The following BCL2L1 variants were observed in gnomAD, a reference collection of about 807,000 sequenced individuals.
BCL2L1 encodes bcl-2-like protein 1.
Under a neutral mutation model 18.7 loss-of-function variants are expected in BCL2L1, and 1 was observed. The observed-to-expected ratio is 0.05, with a 90% confidence interval of 0.02 to 0.25. The LOEUF (loss-of-function observed/expected upper bound fraction) is 0.25. Ranked by LOEUF, BCL2L1 falls within the 10% of genes least tolerant of loss-of-function variation. The pLI is 1.00. For missense variants in BCL2L1, 207 were observed against 304.9 expected (o/e 0.68, Z 2.39); for synonymous variants, 103 against 122.7 (o/e 0.84, Z 1.06).
intron 2 of BCL2L1, among the ~76,000 whole-genome samples, chr20:31,673,053 T>C (rs987582725): frequency 6.7e-6 from 1 of 149,520 alleles, no homozygotes; most frequent in Non-Finnish European, 1.5e-5. Flanking sequence ...ACCTCTCTGG[T>C]CCATGGTGTC....
At chr20:31,681,304 A>G (rs1301711878) in intron 2 of BCL2L1, among the ~76,000 whole-genome samples, 3 of 152,210 alleles carry the variant, frequency 2.0e-5, no homozygotes, top group South Asian at 2.1e-4. Context: ...CTTAGCCACA[A>G]TGGTGCCAGG....
chr20:31,716,989 G>T (rs1296210855), intron 2 of BCL2L1, among the ~76,000 whole-genome samples: 1 of 152,192 alleles, frequency 6.6e-6, no homozygotes, highest in African/African-American at 2.4e-5. Context: ...AGAGGATCCA[G>T]GAGTAGAGTG....
chr20:31,723,003 G>C (rs2061662558), upstream of BCL2L1: 1 of 152,640 alleles, frequency 6.6e-6, no homozygotes, highest in Admixed American at 6.5e-5. Context: ...GATTTAGTTG[G>C]TTTTTGTTTT....
At chr20:31,697,688 C>T (rs1318249593) in intron 2 of BCL2L1, among the ~76,000 whole-genome samples, 1 of 152,158 alleles carries the variant, frequency 6.6e-6, no homozygotes, top group African/African-American at 2.4e-5. Context: ...CTGCCCACCT[C>T]ATCCTCCCAA....
At chr20:31,697,628 G>A (rs906470950) in intron 2 of BCL2L1, among the ~76,000 whole-genome samples, 3 of 151,902 alleles carry the variant, frequency 2.0e-5, no homozygotes, top group Admixed American at 6.6e-5. Flanking sequence ...TAGTAGAGAC[G>A]GGGTTTCACC....
chr20:31,703,452 T>A (rs1016541710), intron 2 of BCL2L1, among the ~76,000 whole-genome samples: 1 of 150,936 alleles, frequency 6.6e-6, no homozygotes, highest in African/African-American at 2.4e-5. Context: ...ATGCTGGGAT[T>A]ACAGGTGTGA....
intron 2 of BCL2L1, among the ~76,000 whole-genome samples, chr20:31,710,783 TC>T (rs2061442718): frequency 6.6e-6 from 1 of 152,238 alleles, no homozygotes; most frequent in Non-Finnish European, 1.5e-5. Context: ...TGAGGTCTAT[TC>T]CTACTGCTTC....
chr20:31,709,525 C>A (rs1379219211), intron 2 of BCL2L1, among the ~76,000 whole-genome samples: 1 of 151,972 alleles, frequency 6.6e-6, no homozygotes, highest in East Asian at 2.0e-4. Flanking sequence ...CCACACCCTG[C>A]TAATTTTTGT....
intron 2 of BCL2L1, among the ~76,000 whole-genome samples, chr20:31,697,892 G>GTTTTTTTTTTTT (rs199575410): frequency 5.4e-5 from 7 of 129,636 alleles, no homozygotes; most frequent in African/African-American, 2.3e-4. Context: ...TGCTGTTGCT[G>GTTTTTTTTTTTT]TTTTTTTTTT....
At chr20:31,717,625 T>A (rs1038601611) in intron 2 of BCL2L1, among the ~76,000 whole-genome samples, 4 of 152,210 alleles carry the variant, frequency 2.6e-5, no homozygotes, top group African/African-American at 9.7e-5. Flanking sequence ...GGGTTTCTAA[T>A]GGGGTTTCCC....
chr20:31,699,274 T>C (rs1014673244), intron 2 of BCL2L1, among the ~76,000 whole-genome samples: 1 of 152,208 alleles, frequency 6.6e-6, no homozygotes, highest in Non-Finnish European at 1.5e-5. Flanking sequence ...CCAGCCTCAT[T>C]CTGAAGAGAC....
At chr20:31,692,130 A>G (rs968199345) in intron 2 of BCL2L1, among the ~76,000 whole-genome samples, 1 of 152,226 alleles carries the variant, frequency 6.6e-6, no homozygotes, top group African/African-American at 2.4e-5. Flanking sequence ...GACATACACA[A>G]TCAAACACTT....
At chr20:31,710,945 T>G (rs1302799682) in intron 2 of BCL2L1, among the ~76,000 whole-genome samples, 1 of 152,226 alleles carries the variant, frequency 6.6e-6, no homozygotes, top group Non-Finnish European at 1.5e-5. Context: ...TAAGCCAGTC[T>G]GGGCTTGTAA....
intron 2 of BCL2L1, chr20:31,686,412 C>T (rs1375473603): frequency 6.6e-6 from 1 of 152,250 alleles, no homozygotes; most frequent in African/African-American, 2.4e-5. Context: ...TTTACCTCCT[C>T]CTAGCATCGT....
chr20:31,672,739 T>C (rs920530306), intron 2 of BCL2L1, among the ~76,000 whole-genome samples: 6 of 152,350 alleles, frequency 3.9e-5, no homozygotes, highest in Non-Finnish European at 5.9e-5. Context: ...GGTGAAAAGG[T>C]TGGCATGATG....
At chr20:31,669,407 T>C (rs1009944675) in intron 2 of BCL2L1, among the ~76,000 whole-genome samples, 1 of 151,014 alleles carries the variant, frequency 6.6e-6, no homozygotes, top group East Asian at 1.9e-4. Flanking sequence ...TTCTCATAAC[T>C]AGATTCTGTA....
At chr20:31,675,779 AC>A (rs1481451610) in intron 2 of BCL2L1, among the ~76,000 whole-genome samples, 3 of 151,780 alleles carry the variant, frequency 2.0e-5, no homozygotes, top group Non-Finnish European at 2.9e-5. Flanking sequence ...TCCTGCCTTG[AC>A]CTCCCTAGCA....
At chr20:31,670,466 G>T (rs550591350) in intron 2 of BCL2L1, among the ~76,000 whole-genome samples, 7 of 152,222 alleles carry the variant, frequency 4.6e-5, no homozygotes, top group Admixed American at 4.6e-4. Context: ...TAGACGGCTG[G>T]CAGCCACAGG....
chr20:31,714,129 GGA>G lies in BCL2L1; in HGVS notation c.564+7524_564+7525del, dbSNP rs2061491654. Reference sequence around the variant, plus strand: ...TAAGGTGCTGACATATCTGTCAACAGGAGAGAGCCATTTTAAAATATAACTAA... The same window carrying G: ...TAAGGTGCTGACATATCTGTCAACAGGAGAGCCATTTTAAAATATAACTAA... On this transcript the variant is annotated intron_variant, in intron 2 of 2. Transcript: ENST00000307677. 2.0e-5 allele frequency among the ~76,000 whole-genome samples: 3 copies of G among 152,344 alleles called. No individual in the cohort carries two copies. In the South Asian group the frequency reaches 6.2e-4, roughly 32 times the overall value.
Sources: allele counts gnomAD v4.1 joint callset (sites outside exome capture counted in the v4.1 genomes callset), GRCh38; gene constraint gnomAD v4.1.1; transcripts MANE v1.5; gene names NCBI Gene and HGNC (gene_info 2026-07-23, HGNC 2026-07-21).